NAV3: variants seen among roughly 807,000 people sequenced by gnomAD.
NAV3 encodes pore membrane and/or filament interacting like protein 1.
In NAV3, 87 loss-of-function variants were observed where a neutral mutation model predicts 244.7. That is an observed-to-expected ratio of 0.36 (90% CI 0.30 to 0.42). The LOEUF (loss-of-function observed/expected upper bound fraction) is 0.42. Ranked by LOEUF, NAV3 falls within the 20% of genes least tolerant of loss-of-function variation. The pLI, the probability that NAV3 is intolerant of heterozygous loss-of-function variation, is 1.00. For missense variants in NAV3, 2,663 were observed against 2,893.3 expected (o/e 0.92, Z 1.83); for synonymous variants, 1,126 against 1,042.2 (o/e 1.08, Z -1.55).
At chr12:77,616,481 C>G (rs116125774) in intron 2 of NAV3, among the ~76,000 whole-genome samples, 6 of 151,904 alleles carry the variant, frequency 3.9e-5, no homozygotes, top group East Asian at 3.9e-4. Context: ...TTTTGAAGAC[C>G]CTTTGTATAT....
At chr12:77,928,170 C>G (rs1233904478) in intron 1 of NAV3, among the ~76,000 whole-genome samples, 1 of 142,334 alleles carries the variant, frequency 7.0e-6, no homozygotes, top group Non-Finnish European at 1.5e-5. Context: ...TTGTAGTGAG[C>G]CGAGACTGCG....
At chr12:78,076,979 T>C (rs907378862) in intron 12 of NAV3, among the ~76,000 whole-genome samples, 1 of 152,174 alleles carries the variant, frequency 6.6e-6, no homozygotes, top group African/African-American at 2.4e-5. Flanking sequence ...ATCTTTGGAT[T>C]GTGTCTAAAA....
intron 39 of NAV3, among the ~76,000 whole-genome samples, chr12:78,205,969 A>G (rs1393192150): frequency 1.3e-5 from 2 of 152,126 alleles, no homozygotes; most frequent in East Asian, 3.8e-4. Flanking sequence ...CTAAGGATAT[A>G]AAATTACTTG....
chr12:77,940,082 G>A (rs1889722025), intron 1 of NAV3, among the ~76,000 whole-genome samples: 9 of 152,166 alleles, frequency 5.9e-5, no homozygotes, highest in Admixed American at 5.9e-4. Flanking sequence ...GTTTTGCTTT[G>A]TCACAAGTGA....
At chr12:78,094,043 T>C (rs1254071233) in intron 12 of NAV3, among the ~76,000 whole-genome samples, 1 of 152,192 alleles carries the variant, frequency 6.6e-6, no homozygotes, top group East Asian at 1.9e-4. Flanking sequence ...TCTCGCCATG[T>C]GGCCCAGGCT....
rs1373493995 is a variant in NAV3, at chr12:78,211,261, T to A, written c.*744T>A. 1 of 152,628 alleles carries A rather than the reference T, an allele frequency of 6.6e-6. No homozygotes were observed. The highest frequency in any genetic ancestry group is 1.5e-5 in the Non-Finnish European group (1 of 68,046). 9.5% of individuals were successfully genotyped at this position (152,628 alleles called of 1,614,324 possible). On this transcript the variant is annotated 3_prime_UTR_variant, in exon 40 of 40. Transcript: ENST00000397909. ...TATACCAATTATTAGTCAACACTGA[T>A]AAAAGGCTTTTTTAGGGCTTTATTT... is the stretch of plus-strand genomic sequence containing the variant.
intron 2 of NAV3, among the ~76,000 whole-genome samples, chr12:77,644,228 C>A (rs994328609): frequency 3.0e-4 from 46 of 151,986 alleles, no homozygotes; most frequent in African/African-American, 1.1e-3. Flanking sequence ...TCTGTGGAAC[C>A]TTTTCTGTTT....
intron 2 of NAV3, among the ~76,000 whole-genome samples, chr12:77,672,015 A>C (rs1874000526): frequency 6.6e-6 from 1 of 152,118 alleles, no homozygotes; most frequent in African/African-American, 2.4e-5. Flanking sequence ...CTCCGACAAA[A>C]GACCAATATC....
chr12:77,652,396 C>T (rs1872866301), intron 2 of NAV3, among the ~76,000 whole-genome samples: 2 of 152,196 alleles, frequency 1.3e-5, no homozygotes, highest in Admixed American at 1.3e-4. Context: ...TGTACTACTT[C>T]TGTCTTCCTA....
intron 2 of NAV3, among the ~76,000 whole-genome samples, chr12:77,691,620 A>G (rs1011937564): frequency 4.6e-5 from 7 of 151,522 alleles, no homozygotes; most frequent in Non-Finnish European, 7.4e-5. Context: ...ATTAATGACA[A>G]TGACCCTTTT....
In NAV3 at chr12:78,116,779, G is replaced by T; in HGVS notation, c.2644G>T (p.Asp882Tyr). The T allele has an allele frequency of 6.3e-7, 1 of 1,591,576 alleles. No individual in the cohort carries two copies. Among genetic ancestry groups the T allele is most frequent in the South Asian group, 1.1e-5 (1 of 87,692 alleles). ...DVTVDADSWD[D>Y]SSSVSSGLSD... is the part of the protein sequence containing the mutation. ...TGCATGTCTTGCCTTTAGCTGGGAT[G>T]ACAGCAGTTCAGTGAGCAGTGGTCT... The change falls in exon 13 of 40, where the codon GAC becomes TAC. Residue 882 changes from aspartate to tyrosine, a missense_variant. Transcript: ENST00000397909.
intron 2 of NAV3, among the ~76,000 whole-genome samples, chr12:77,724,715 G>A (rs556648384): frequency 2.0e-5 from 3 of 151,922 alleles, no homozygotes; most frequent in Admixed American, 1.3e-4. Flanking sequence ...ATTTCAAGGA[G>A]CTGACCATGG....
At chr12:77,668,089 G>A (rs1006106927) in intron 2 of NAV3, among the ~76,000 whole-genome samples, 1 of 152,144 alleles carries the variant, frequency 6.6e-6, no homozygotes, top group African/African-American at 2.4e-5. Flanking sequence ...AGGGGAAAGG[G>A]GAGACCACCA....
chr12:77,666,991 A>T (rs1350609278), intron 2 of NAV3, among the ~76,000 whole-genome samples: 1 of 152,212 alleles, frequency 6.6e-6, no homozygotes, highest in East Asian at 1.9e-4. Flanking sequence ...GAGTGTGTGT[A>T]TGTGTATACT....
At chr12:77,945,161 G>A (rs1370069640) in intron 3 of NAV3, among the ~76,000 whole-genome samples, 1 of 151,818 alleles carries the variant, frequency 6.6e-6, no homozygotes, top group Non-Finnish European at 1.5e-5. Context: ...AGACAGAGTT[G>A]AGGGGAGTTT....
intron 23 of NAV3, among the ~76,000 whole-genome samples, chr12:78,161,601 A>T (rs1360093836): frequency 6.6e-6 from 1 of 152,082 alleles, no homozygotes; most frequent in East Asian, 1.9e-4. Flanking sequence ...AACATAAGAG[A>T]TTTTATAATG....
chr12:78,168,650 G>T lies in NAV3; in HGVS notation c.4870-105G>T, dbSNP rs1957878442. The T allele has an allele frequency of 1.2e-5, 8 of 641,418 alleles. 1 individual carries two copies. The South Asian group carries it at 1.8e-4, about 14-fold the overall frequency. 39.7% of individuals were successfully genotyped at this position (641,418 alleles called of 1,614,324 possible). A position where few individuals can be genotyped will look rare whatever the true frequency, so the allele number is the denominator to read the frequency against. On this transcript the variant is annotated intron_variant, in intron 23 of 39. Transcript: ENST00000397909. ...TCAGCTAAGCATCCAAATCTTCCAGGAGGTTGTTACTACATAAAATCAAAC... is the reference window on the plus strand; with the variant it reads ...TCAGCTAAGCATCCAAATCTTCCAGTAGGTTGTTACTACATAAAATCAAAC...
chr12:78,093,147 A>G (rs1954054643), intron 12 of NAV3, among the ~76,000 whole-genome samples: 1 of 152,232 alleles, frequency 6.6e-6, no homozygotes, highest in South Asian at 2.1e-4. Flanking sequence ...ATGAATATGA[A>G]TCATTAACAT....
intron 12 of NAV3, among the ~76,000 whole-genome samples, chr12:78,064,552 T>G (rs1054567157): frequency 5.9e-5 from 9 of 152,212 alleles, no homozygotes; most frequent in African/African-American, 2.2e-4. Context: ...CACCCTTATG[T>G]ATTAATTTAA....
Sources: gnomAD v4.1 joint callset for allele counts (sites outside exome capture counted in the v4.1 genomes callset) on GRCh38, gnomAD v4.1.1 for gene constraint, MANE v1.5 for transcripts, NCBI Gene and HGNC (gene_info 2026-07-23, HGNC 2026-07-21) for gene names.